The following USP34 variants were observed in gnomAD, a reference collection of about 807,000 sequenced individuals.
The protein encoded by USP34 is ubiquitin carboxyl-terminal hydrolase 34.
Under a neutral mutation model 460.3 loss-of-function variants are expected in USP34, and 70 were observed. The ratio of observed to expected loss-of-function variants is 0.15; its 90% CI spans 0.13 to 0.19. The LOEUF (loss-of-function observed/expected upper bound fraction) is 0.19. Ranked by LOEUF, USP34 falls within the 10% of genes least tolerant of loss-of-function variation. The probability of loss-of-function intolerance (pLI) is 1.00; values close to 1 mark genes in which losing one functional copy is unlikely to be tolerated. For synonymous variants in USP34, 1,647 were observed against 1,405.3 expected (o/e 1.17, Z -3.85); for missense variants, 3,985 against 4,236.2 (o/e 0.94, Z 1.65).
Position 61,235,878 on chromosome 2 carries a change from C to A in USP34, c.6999G>T (p.Thr2333=). The A allele has an allele frequency of 6.2e-7, 1 of 1,613,706 alleles. No individual in the cohort carries two copies. ...PTMLQWIELL[T]KQFNNSQAAC... ...CTGCCTGACTATTATTAAACTGTTT[C>A]GTCAACAGTTCAATCCACTGAAGCA... The change falls in exon 57 of 80, where the codon ACG becomes ACT. Residue 2333 remains threonine, a synonymous_variant. Transcript: ENST00000398571.
intron 5 of USP34, among the ~76,000 whole-genome samples, chr2:61,391,556 C>A (rs1194019994): frequency 6.6e-6 from 1 of 151,956 alleles, no homozygotes; most frequent in Non-Finnish European, 1.5e-5. Flanking sequence ...CTATTTTTTT[C>A]ATTGTTAAAT....
chr2:61,306,555 C>A (rs575500231), intron 27 of USP34, among the ~76,000 whole-genome samples: 5 of 152,070 alleles, frequency 3.3e-5, no homozygotes, highest in Non-Finnish European at 4.4e-5. Flanking sequence ...CAATGCGGGC[C>A]CTTTTTTGGT....
intron 43 of USP34, among the ~76,000 whole-genome samples, chr2:61,261,525 G>A (rs1041175664): frequency 6.6e-6 from 1 of 152,130 alleles, no homozygotes; most frequent in Non-Finnish European, 1.5e-5. Flanking sequence ...AGAGTTAAGT[G>A]TTTAACAAGT....
intron 1 of USP34, among the ~76,000 whole-genome samples, chr2:61,469,373 T>C (rs1339582305): frequency 6.6e-6 from 1 of 152,166 alleles, no homozygotes; most frequent in Non-Finnish European, 1.5e-5. Context: ...GTTTATCATA[T>C]CGTAAACCGC....
chr2:61,360,636 G>A lies in USP34; in HGVS notation c.1251+9685C>T, dbSNP rs149557071. Among the ~76,000 whole-genome samples, 429 of 152,238 alleles carry A rather than the reference G, an allele frequency of 2.8e-3. 11 individuals carry two copies. The highest frequency in any genetic ancestry group is 5.0e-4 in the Non-Finnish European group (34 of 68,008). ...ACCACCCAAAATCTACAGAGTCAAC[G>A]CAATCCCTATCAAAATCTCAATGGC... is the stretch of plus-strand genomic sequence containing the variant. On this transcript the variant is annotated intron_variant, in intron 10 of 79. Coordinates refer to ENST00000398571, the MANE Select transcript of USP34 (RefSeq NM_014709.4).
At chr2:61,455,149 T>C (rs1695399595) in intron 1 of USP34, among the ~76,000 whole-genome samples, 1 of 151,936 alleles carries the variant, frequency 6.6e-6, no homozygotes, top group African/African-American at 2.4e-5. Context: ...CCCAAAATGC[T>C]GGGATTACAG....
At chr2:61,334,740 T>A (rs1227200943) in intron 18 of USP34, among the ~76,000 whole-genome samples, 2 of 152,170 alleles carry the variant, frequency 1.3e-5, no homozygotes, top group Non-Finnish European at 2.9e-5. Flanking sequence ...GGTTATTGAC[T>A]GAGTTCAGTG....
Position 61,187,783 on chromosome 2 carries a change from G to C in USP34, c.*319C>G. 1.4e-6 allele frequency: 1 copy of C among 738,074 alleles called. No individual in the cohort carries two copies. The highest frequency in any genetic ancestry group is 1.8e-6 in the Non-Finnish European group (1 of 566,184). The allele number at this position is 738,074 out of a possible 1,614,324, so 45.7% of individuals were successfully genotyped here. On this transcript the variant is annotated 3_prime_UTR_variant, in exon 80 of 80. Coordinates refer to ENST00000398571, the MANE Select transcript of USP34 (RefSeq NM_014709.4). ...CCATATCATACACAGTAAAAATGCT[G>C]TAAGTTTAAATTACATTGTACAGGG... is the stretch of plus-strand genomic sequence containing the variant.
Position 61,385,391 on chromosome 2 carries a change from C to A in USP34, c.754-2055G>T, listed in dbSNP as rs142480274. Among the ~76,000 whole-genome samples, 419 of 151,986 alleles carry A rather than the reference C, an allele frequency of 2.8e-3. 1 individual carries two copies. Among genetic ancestry groups the A allele is most frequent in the African/African-American group, 9.4e-3 (390 of 41,498 alleles). ...AATAGCTAAAACTCTCTAAGAAATACGACAAGGAGGCCAGGCGCGGTGGCT... is the reference window on the plus strand; with the variant it reads ...AATAGCTAAAACTCTCTAAGAAATAAGACAAGGAGGCCAGGCGCGGTGGCT... On this transcript the variant is annotated intron_variant, in intron 5 of 79. Transcript: ENST00000398571.
Position 61,192,896 on chromosome 2 carries a change from T to C in USP34, c.9588+5A>G. ...GACCAATCATCTAAAACTCATTTTC[T>C]TTACCTGAGTCTGGCATAGCTCAGT... On this transcript the variant is annotated splice_donor_5th_base_variant and intron_variant, in intron 76 of 79. Coordinates refer to ENST00000398571, the MANE Select transcript of USP34 (RefSeq NM_014709.4). 1 of 1,611,802 alleles carries C rather than the reference T, an allele frequency of 6.2e-7. No homozygotes were observed. The highest frequency in any genetic ancestry group is 8.5e-7 in the Non-Finnish European group (1 of 1,178,808).
chr2:61,418,036 G>A (rs1463104883), intron 2 of USP34, among the ~76,000 whole-genome samples: 2 of 147,138 alleles, frequency 1.4e-5, no homozygotes, highest in African/African-American at 5.0e-5. Context: ...CCATTACCCT[G>A]GGCCTAAAAT....
chr2:61,240,368 T>G (rs920727431), intron 53 of USP34, among the ~76,000 whole-genome samples: 1 of 152,012 alleles, frequency 6.6e-6, no homozygotes, highest in Admixed American at 6.5e-5. Context: ...CGGCTCCGCC[T>G]CCCAGGTTCA....
chr2:61,383,423 G>C, intron 5 of USP34, 87 bp from the exon 6 acceptor site: 2 of 1,019,464 alleles, frequency 2.0e-6, no homozygotes, highest in Non-Finnish European at 2.9e-6. Flanking sequence ...CAAGAGCATT[G>C]GCCAGGCACG....
intron 18 of USP34, 67 bp downstream of exon 18, chr2:61,339,284 A>C (rs1263801158): frequency 1.3e-6 from 2 of 1,498,634 alleles, no homozygotes; most frequent in African/African-American, 2.8e-5. Context: ...CACCTAGTCA[A>C]CAAGAATGTC....
chr2:61,187,743 C>G lies in USP34; in HGVS notation c.*359G>C, dbSNP rs1375871428. The G allele has an allele frequency of 2.0e-6, 1 of 498,812 alleles. No homozygotes were observed. Among genetic ancestry groups the G allele is most frequent in the African/African-American group, 2.1e-5 (1 of 47,476 alleles). The allele number at this position is 498,812 out of a possible 1,614,324, so 30.9% of individuals were successfully genotyped here. ...CAATCTGCCTCTATAAGGTACAAAACTGGCACAGAGGACACCATATCATAC... is the reference window on the plus strand; with the variant it reads ...CAATCTGCCTCTATAAGGTACAAAAGTGGCACAGAGGACACCATATCATAC... On this transcript the variant is annotated 3_prime_UTR_variant, in exon 80 of 80. Transcript: ENST00000398571.
chr2:61,469,340 C>T (rs1695877719), intron 1 of USP34, among the ~76,000 whole-genome samples: 1 of 152,140 alleles, frequency 6.6e-6, no homozygotes, highest in Non-Finnish European at 1.5e-5. Flanking sequence ...AGATATAAAA[C>T]ACAGTAAGTA....
At chr2:61,312,664 C>T (rs1015141930) in intron 25 of USP34, among the ~76,000 whole-genome samples, 2 of 152,046 alleles carry the variant, frequency 1.3e-5, no homozygotes, top group Non-Finnish European at 2.9e-5. Context: ...TATTCAAGAC[C>T]AGAGTTTCTC....
At chr2:61,211,617 A>C (rs1687274749) in intron 69 of USP34, among the ~76,000 whole-genome samples, 155 bp downstream of exon 69, 1 of 152,186 alleles carries the variant, frequency 6.6e-6, no homozygotes, top group Non-Finnish European at 1.5e-5. Flanking sequence ...CCAGACCAAA[A>C]ACTGTTTAAA....
intron 29 of USP34, 35 bp downstream of exon 29, chr2:61,300,916 A>G: frequency 6.7e-7 from 1 of 1,481,968 alleles, no homozygotes; most frequent in African/African-American, 1.4e-5. Flanking sequence ...CAACAGAGAC[A>G]CAAAACAAGA....
Sources: allele counts gnomAD v4.1 joint callset (sites outside exome capture counted in the v4.1 genomes callset), GRCh38; gene constraint gnomAD v4.1.1; transcripts MANE v1.5; gene names NCBI Gene and HGNC (gene_info 2026-07-23, HGNC 2026-07-21).